Variants in DISP1 observed in about 807,000 individuals in gnomAD.
The protein encoded by DISP1 is dispatched RND transporter family member 1.
DISP1 carries 30 observed loss-of-function variants against 37.3 expected under a neutral mutation model. The observed-to-expected ratio is 0.80, with a 90% CI of 0.60 to 1.09. The LOEUF is 1.09. DISP1 is among the 50% of genes least tolerant of loss of function. DISP1 has a pLI of 0.00. For synonymous variants in DISP1, 634 were observed against 690.2 expected (o/e 0.92, Z 1.28); for missense variants, 1,598 against 1,879.5 (o/e 0.85, Z 2.77).
intron 3 of DISP1, among the ~76,000 whole-genome samples, chr1:222,982,044 C>G (rs1003612038): frequency 1.4e-4 from 21 of 152,050 alleles, no homozygotes; most frequent in Admixed American, 1.4e-3. Flanking sequence ...AAATAATAAG[C>G]CCATTACATG....
intron 3 of DISP1, among the ~76,000 whole-genome samples, chr1:222,960,797 C>T (rs1675998431): frequency 6.6e-6 from 1 of 152,074 alleles, no homozygotes; most frequent in African/African-American, 2.4e-5. Context: ...ACCACTGACT[C>T]CACAGAAATA....
chr1:222,943,054 G>T lies in DISP1; in HGVS notation c.231G>T (p.Met77Ile). ...LPLDNQRMPQMLPQCCHPCPY... is the reference protein window; with the variant it reads ...LPLDNQRMPQILPQCCHPCPY... ...TAGACAACCAAAGAATGCCTCAGAT[G>T]TTACCCCAATGCTGCCATCCTTGCC... Residue 77 changes from methionine to isoleucine, a missense_variant, in exon 3 of 9, where the codon ATG becomes ATT. Met to Ile is a conservative substitution (Grantham distance 10). Transcript: ENST00000675850. 6.2e-7 allele frequency: 1 copy of T among 1,614,180 alleles called. No homozygotes were observed. Among genetic ancestry groups the T allele is most frequent in the Non-Finnish European group, 8.5e-7 (1 of 1,180,034 alleles).
intron 3 of DISP1, among the ~76,000 whole-genome samples, chr1:222,971,145 G>A (rs2102642082): frequency 6.6e-6 from 1 of 151,992 alleles, no homozygotes; most frequent in South Asian, 2.1e-4. Context: ...TAAAGCTTTT[G>A]ACAATGATTT....
In DISP1 at chr1:222,994,873, TC is replaced by T. The variant is rs1572724051; in HGVS notation, c.890-11del. The T allele has an allele frequency of 1.3e-6, 2 of 1,580,612 alleles. No individual in the cohort carries two copies. The highest frequency in any genetic ancestry group is 1.7e-6 in the Non-Finnish European group (2 of 1,151,112). On this transcript the variant is annotated splice_polypyrimidine_tract_variant and intron_variant, in intron 7 of 8. Transcript: ENST00000675850. The stretch of plus-strand genomic sequence containing the variant: ...AAACCTTTTTCTTTCCTTTTTTTTT[TC>T]ATATCACCAGGTGACCGATATTCCA...
chr1:222,881,665 G>T (rs1013037336), intron 1 of DISP1, among the ~76,000 whole-genome samples: 10 of 152,192 alleles, frequency 6.6e-5, no homozygotes, highest in Non-Finnish European at 1.3e-4. Flanking sequence ...GTTGGCAAGG[G>T]CCTACTGGCA....
chr1:222,923,653 G>C (rs1446149525), intron 1 of DISP1, among the ~76,000 whole-genome samples: 1 of 152,158 alleles, frequency 6.6e-6, no homozygotes, highest in Non-Finnish European at 1.5e-5. Context: ...GCATGAGAAA[G>C]ATTTCCAGCC....
rs771414697 is a variant in DISP1, at chr1:222,943,315, G to A, written c.492G>A (p.Gln164=). 1.1e-5 allele frequency: 17 copies of A among 1,614,132 alleles called. No individual in the cohort carries two copies. The highest frequency in any genetic ancestry group is 1.1e-5 in the South Asian group (1 of 91,088). Residue 164 remains glutamine, a synonymous_variant, in exon 3 of 9, where the codon CAG becomes CAA. Transcript: ENST00000675850. ...PDHFQHQPVQ[Q]HIANIRPSRP... ...ATTTTCAGCATCAGCCTGTGCAACA[G>A]CACATAGCCAACATAAGGTAAGTGA...
intron 1 of DISP1, among the ~76,000 whole-genome samples, chr1:222,850,409 T>TC (rs200892464): frequency 0.022 from 3,372 of 151,178 alleles, 41 homozygotes; most frequent in Middle Eastern, 0.065. Context: ...TTTTCCATCC[T>TC]CCAACTGCTA....
chr1:222,916,453 G>A (rs554212414), intron 1 of DISP1, among the ~76,000 whole-genome samples: 22 of 152,292 alleles, frequency 1.4e-4, no homozygotes, highest in South Asian at 1.2e-3. Flanking sequence ...ATAAATATGC[G>A]AAAGATACCT....
intron 1 of DISP1, among the ~76,000 whole-genome samples, chr1:222,905,428 A>ACTACTCCTCAGCCACTTCTC (rs1271055800): frequency 6.6e-6 from 1 of 152,212 alleles, no homozygotes; most frequent in Non-Finnish European, 1.5e-5. Context: ...TGGCTAATTA[A>ACTACTCCTCAGCCACTTCTC]AGAATAACTG....
At chr1:222,868,132 C>T (rs1024490292) in intron 1 of DISP1, among the ~76,000 whole-genome samples, 1 of 151,990 alleles carries the variant, frequency 6.6e-6, no homozygotes, top group African/African-American at 2.4e-5. Flanking sequence ...ACTATAGTCG[C>T]AGCTACTTGG....
intron 1 of DISP1, among the ~76,000 whole-genome samples, chr1:222,865,794 C>T (rs1158688505): frequency 6.6e-6 from 1 of 152,144 alleles, no homozygotes; most frequent in East Asian, 1.9e-4. Flanking sequence ...TACACACACA[C>T]ACAGATACAC....
intron 1 of DISP1, among the ~76,000 whole-genome samples, chr1:222,877,700 A>C (rs1167059286): frequency 6.6e-6 from 1 of 152,184 alleles, no homozygotes; most frequent in Non-Finnish European, 1.5e-5. Flanking sequence ...CACCCAAACA[A>C]ATGTAAATTT....
intron 1 of DISP1, among the ~76,000 whole-genome samples, chr1:222,839,185 G>A (rs1667439971): frequency 6.6e-6 from 1 of 152,106 alleles, no homozygotes; most frequent in South Asian, 2.1e-4. Flanking sequence ...TAAGTGGCAG[G>A]CCTGAGCTGT....
chr1:222,832,180 A>G (rs1486986565), intron 1 of DISP1, among the ~76,000 whole-genome samples: 8 of 152,116 alleles, frequency 5.3e-5, no homozygotes, highest in Non-Finnish European at 8.8e-5. Flanking sequence ...CTGAGGCAGG[A>G]GAATCACTTG....
At chr1:222,890,151 A>G (rs909905063) in intron 1 of DISP1, among the ~76,000 whole-genome samples, 11 of 152,124 alleles carry the variant, frequency 7.2e-5, no homozygotes, top group Non-Finnish European at 2.9e-5. Context: ...CCAGCTTTCT[A>G]TATGTTAAGA....
chr1:222,842,312 TTA>T (rs1558287633), intron 1 of DISP1, among the ~76,000 whole-genome samples: 11 of 146,758 alleles, frequency 7.5e-5, no homozygotes, highest in Non-Finnish European at 1.1e-4. Context: ...ACCTGTCATT[TTA>T]AAAAAAAAAA....
At chr1:222,936,587 TGAGA>T (rs71742733) in intron 2 of DISP1, among the ~76,000 whole-genome samples, 2 of 17,862 alleles carry the variant, frequency 1.1e-4, no homozygotes, top group South Asian at 3.9e-3. Context: ...ATCATATATA[TGAGA>T]GATATATATC....
intron 1 of DISP1, among the ~76,000 whole-genome samples, chr1:222,825,528 TCTCA>T (rs1664139068): frequency 7.2e-6 from 1 of 139,692 alleles, no homozygotes; most frequent in Non-Finnish European, 1.5e-5. Flanking sequence ...TGAGATGGAG[TCTCA>T]CTCTGTCACC....
Sources: gnomAD v4.1 joint callset for allele counts (sites outside exome capture counted in the v4.1 genomes callset) on GRCh38, gnomAD v4.1.1 for gene constraint, MANE v1.5 for transcripts, NCBI Gene and HGNC (gene_info 2026-07-23, HGNC 2026-07-21) for gene names.